NKAIN2: variants seen among roughly 807,000 people sequenced by gnomAD.
The protein encoded by NKAIN2 is sodium/potassium-transporting ATPase subunit beta-1-interacting protein 2.
Under a neutral mutation model 32.6 loss-of-function variants are expected in NKAIN2, and 14 were observed. The observed-to-expected ratio is 0.43, with a 90% CI of 0.28 to 0.67. NKAIN2 has a LOEUF of 0.67. Among genes scored for constraint, NKAIN2 ranks in the 30% least tolerant of loss-of-function variants. The pLI, the probability that NKAIN2 is intolerant of heterozygous loss-of-function variation, is 0.17. For synonymous variants in NKAIN2, 80 were observed against 87.2 expected (o/e 0.92, Z 0.46); for missense variants, 198 against 258.3 (o/e 0.77, Z 1.60).
intron 3 of NKAIN2, among the ~76,000 whole-genome samples, chr6:124,439,100 C>T (rs1014635488): frequency 1.3e-5 from 2 of 152,146 alleles, no homozygotes; most frequent in Admixed American, 1.3e-4. Flanking sequence ...CTCGACAGCT[C>T]TTCTCAATAG....
At chr6:124,201,031 T>C (rs1355166862) in intron 1 of NKAIN2, among the ~76,000 whole-genome samples, 1 of 152,054 alleles carries the variant, frequency 6.6e-6, no homozygotes, top group Non-Finnish European at 1.5e-5. Context: ...AGTTTGTGCT[T>C]TGAAAAGACC....
chr6:123,990,493 G>A (rs142909405), intron 1 of NKAIN2, among the ~76,000 whole-genome samples: 3 of 152,242 alleles, frequency 2.0e-5, no homozygotes, highest in African/African-American at 7.2e-5. Flanking sequence ...TACGTTGTAA[G>A]ACTAGTGCTG....
At chr6:124,444,187 C>T (rs1230246813) in intron 3 of NKAIN2, among the ~76,000 whole-genome samples, 5 of 151,960 alleles carry the variant, frequency 3.3e-5, no homozygotes, top group Non-Finnish European at 7.4e-5. Flanking sequence ...AAGGTGAATA[C>T]ATTAATGAAT....
chr6:124,126,817 TG>T (rs1483231291), intron 1 of NKAIN2, among the ~76,000 whole-genome samples: 1 of 152,078 alleles, frequency 6.6e-6, no homozygotes, highest in Non-Finnish European at 1.5e-5. Flanking sequence ...TAGCTGGGTG[TG>T]GTAGCATGTG....
chr6:124,737,344 G>T (rs1368630971), intron 4 of NKAIN2, among the ~76,000 whole-genome samples: 1 of 151,798 alleles, frequency 6.6e-6, no homozygotes, highest in Non-Finnish European at 1.5e-5. Flanking sequence ...CCTTTTGCTT[G>T]GCACTTCTCC....
chr6:124,342,289 G>T (rs1036867645), intron 2 of NKAIN2, among the ~76,000 whole-genome samples: 4 of 150,458 alleles, frequency 2.7e-5, no homozygotes, highest in African/African-American at 9.8e-5. Flanking sequence ...GGCACCTGTA[G>T]TCCCAGCTAC....
intron 1 of NKAIN2, among the ~76,000 whole-genome samples, chr6:124,068,199 G>C (rs1037202288): frequency 6.6e-6 from 1 of 152,092 alleles, no homozygotes; most frequent in Non-Finnish European, 1.5e-5. Flanking sequence ...ACAAATAAAT[G>C]AGAAAGTAAA....
At chr6:123,907,704 C>A (rs747933305) in intron 1 of NKAIN2, among the ~76,000 whole-genome samples, 1 of 152,074 alleles carries the variant, frequency 6.6e-6, no homozygotes, top group Non-Finnish European at 1.5e-5. Flanking sequence ...CTGCCCCAGC[C>A]CAATGCATGA....
intron 3 of NKAIN2, among the ~76,000 whole-genome samples, chr6:124,356,782 A>C (rs1266309684): frequency 6.6e-6 from 1 of 152,144 alleles, no homozygotes; most frequent in Non-Finnish European, 1.5e-5. Flanking sequence ...CATCTCTGCT[A>C]CTCTATAATC....
At chr6:124,640,665 TA>T (rs1394671882) in intron 3 of NKAIN2, among the ~76,000 whole-genome samples, 1 of 152,156 alleles carries the variant, frequency 6.6e-6, no homozygotes, top group Non-Finnish European at 1.5e-5. Flanking sequence ...CATCTGCTAG[TA>T]AAGGCGTGAA....
At chr6:124,092,523 G>A (rs1323176958) in intron 1 of NKAIN2, among the ~76,000 whole-genome samples, 1 of 151,806 alleles carries the variant, frequency 6.6e-6, no homozygotes, top group Non-Finnish European at 1.5e-5. Context: ...CCTTTGTGGG[G>A]CACTAGATGT....
chr6:124,746,939 T>C (rs1777478203), intron 4 of NKAIN2, among the ~76,000 whole-genome samples: 1 of 151,890 alleles, frequency 6.6e-6, no homozygotes, highest in Admixed American at 6.6e-5. Context: ...ATTAACACTA[T>C]TATATCCAAA....
intron 3 of NKAIN2, among the ~76,000 whole-genome samples, chr6:124,419,537 C>T (rs1190813847): frequency 6.6e-6 from 1 of 152,144 alleles, no homozygotes; most frequent in Non-Finnish European, 1.5e-5. Flanking sequence ...TTCCAAATTT[C>T]ACACCAGAAA....
chr6:124,121,068 G>A (rs1306608179), intron 1 of NKAIN2, among the ~76,000 whole-genome samples: 3 of 152,086 alleles, frequency 2.0e-5, no homozygotes, highest in Non-Finnish European at 4.4e-5. Flanking sequence ...TAAACCGAAT[G>A]TTCCTGAAAT....
chr6:124,236,063 G>C (rs1241383284), intron 1 of NKAIN2, among the ~76,000 whole-genome samples: 1 of 151,788 alleles, frequency 6.6e-6, no homozygotes, highest in African/African-American at 2.4e-5. Flanking sequence ...CTGAGGTCTT[G>C]AGTGGCATTC....
At chr6:124,390,354 C>T (rs983665124) in intron 3 of NKAIN2, among the ~76,000 whole-genome samples, 1 of 152,046 alleles carries the variant, frequency 6.6e-6, no homozygotes, top group African/African-American at 2.4e-5. Flanking sequence ...CAGGCTGAAG[C>T]AAACAAGCTC....
At chr6:124,674,975 G>A (rs1773284483) in intron 4 of NKAIN2, among the ~76,000 whole-genome samples, 1 of 152,008 alleles carries the variant, frequency 6.6e-6, no homozygotes, top group African/African-American at 2.4e-5. Flanking sequence ...CATTAAGCAT[G>A]AGGTTAGCTG....
intron 2 of NKAIN2, among the ~76,000 whole-genome samples, chr6:124,325,116 G>T (rs894935310): frequency 2.0e-5 from 3 of 152,014 alleles, no homozygotes; most frequent in African/African-American, 7.2e-5. Context: ...GATTTGAATA[G>T]CCTCATCACT....
intron 3 of NKAIN2, among the ~76,000 whole-genome samples, chr6:124,431,250 C>T (rs1370461510): frequency 6.6e-6 from 1 of 152,098 alleles, no homozygotes; most frequent in Non-Finnish European, 1.5e-5. Flanking sequence ...TCCCTCTTCT[C>T]TATTTACTCG....
Sources: allele counts gnomAD v4.1 joint callset (sites outside exome capture counted in the v4.1 genomes callset), GRCh38; gene constraint gnomAD v4.1.1; transcripts MANE v1.5; gene names NCBI Gene and HGNC (gene_info 2026-07-23, HGNC 2026-07-21).